The following UBE2J1 variants were observed in gnomAD, a reference collection of about 807,000 sequenced individuals.
UBE2J1 encodes ubiquitin conjugating enzyme E2 J1, also known as ubiquitin-conjugating enzyme E2 J1.
Under a neutral mutation model 42.1 loss-of-function variants are expected in UBE2J1, and 17 were observed. That is an observed-to-expected ratio of 0.40 (90% CI 0.28 to 0.61). The LOEUF (loss-of-function observed/expected upper bound fraction) is 0.61. Ranked by LOEUF, UBE2J1 falls within the 20% of genes least tolerant of loss-of-function variation. UBE2J1 has a pLI of 0.38. For synonymous variants in UBE2J1, 127 were observed against 137.2 expected (o/e 0.93, Z 0.52); for missense variants, 291 against 389.4 (o/e 0.75, Z 2.13).
At chr6:89,338,814 T>TGC (rs1562416965) in intron 3 of UBE2J1, among the ~76,000 whole-genome samples, 2 of 151,470 alleles carry the variant, frequency 1.3e-5, no homozygotes. Flanking sequence ...TACAGGCGCC[T>TGC]GCCACCAGGC....
chr6:89,335,823 A>G lies in UBE2J1; in HGVS notation c.429-392T>C, dbSNP rs1171253254. Among the ~76,000 whole-genome samples, 3 of 152,184 alleles carry G rather than the reference A, an allele frequency of 2.0e-5. No individual in the cohort carries two copies. The East Asian group carries it at 5.8e-4, about 29-fold the overall frequency. ...CTGTTAGCAGAAATATATATAAAGC[A>G]GTAAAGAAACTAATTAAACATAGAA... On this transcript the variant is annotated intron_variant, in intron 5 of 7. Transcript: ENST00000435041.
intron 3 of UBE2J1, 61 bp from the exon 4 acceptor site, chr6:89,338,604 GTAAAAATATACTA>G (rs1271751295): frequency 5.1e-6 from 3 of 588,788 alleles, no homozygotes; most frequent in Non-Finnish European, 7.5e-6. Flanking sequence ...TATACTTTCT[GTAAAAATATACTA>G]TTTATATATA....
rs938339185 is a variant in UBE2J1, at chr6:89,333,086, C to T, written c.678G>A (p.Ser226=). 2 of 1,605,710 alleles carry T rather than the reference C, an allele frequency of 1.2e-6. No individual in the cohort carries two copies. The highest frequency in any genetic ancestry group is 1.7e-6 in the Non-Finnish European group (2 of 1,176,362). Residue 226 remains serine (S), a splice_region_variant and synonymous_variant, in exon 7 of 8, where the codon TCG becomes TCA. Coordinates refer to ENST00000435041, the MANE Select transcript of UBE2J1 (RefSeq NM_016021.3). ...TTFQGATAST[S]YGLQNSSAAS... ...ATATATTAAAAGATAAGAGCCATAC[C>T]GATGTACTGGCCGTAGCACCCTGGA...
At chr6:89,338,618 T>TTTA (rs1411105592) in intron 3 of UBE2J1, 75 bp from the exon 4 acceptor site, 2 of 557,272 alleles carry the variant, frequency 3.6e-6, no homozygotes, top group Non-Finnish European at 5.4e-6. Flanking sequence ...AAATATACTA[T>TTTA]TTATATATAA....
At position 89,335,821 on chromosome 6, in the gene UBE2J1, G is replaced by T. The variant is rs144638446; in HGVS notation, c.429-390C>A. ...ATCTGTTAGCAGAAATATATATAAA[G>T]CAGTAAAGAAACTAATTAAACATAG... On this transcript the variant is annotated intron_variant, in intron 5 of 7. Transcript: ENST00000435041. Among the ~76,000 whole-genome samples, 398 of 151,808 alleles carry T rather than the reference G, an allele frequency of 2.6e-3. 3 individuals are homozygous for T. The highest frequency in any genetic ancestry group is 8.6e-3 in the African/African-American group (354 of 41,394).
intron 1 of UBE2J1, among the ~76,000 whole-genome samples, chr6:89,348,459 T>C (rs1178220024): frequency 1.3e-5 from 2 of 152,240 alleles, no homozygotes; most frequent in Non-Finnish European, 2.9e-5. Flanking sequence ...CTTGATATTA[T>C]CAATTCCCAA....
intron 7 of UBE2J1, among the ~76,000 whole-genome samples, chr6:89,331,407 G>T (rs1768006116): frequency 6.6e-6 from 1 of 152,092 alleles, no homozygotes; most frequent in South Asian, 2.1e-4. Flanking sequence ...ATCAAAACAA[G>T]AAATACTACT....
At chr6:89,347,618 G>A (rs894683417) in intron 1 of UBE2J1, among the ~76,000 whole-genome samples, 2 of 152,220 alleles carry the variant, frequency 1.3e-5, no homozygotes, top group African/African-American at 4.8e-5. Flanking sequence ...AAGTCACTCA[G>A]GCACATACCA....
At position 89,329,598 on chromosome 6, in the gene UBE2J1, TG is replaced by T; in HGVS notation, c.*80del. On this transcript the variant is annotated 3_prime_UTR_variant, in exon 8 of 8. Transcript: ENST00000435041. ...AAGGGTAAATACAAAATAATCTTTT[TG>T]TAAACAATTCTTAGATTATACCCAA... The T allele has an allele frequency of 1.4e-6, 2 of 1,455,902 alleles. No individual in the cohort carries two copies. Among genetic ancestry groups the T allele is most frequent in the Non-Finnish European group, 1.9e-6 (2 of 1,058,834 alleles). The allele number at this position is 1,455,902 out of a possible 1,614,324, so 90.2% of individuals were successfully genotyped here.
chr6:89,343,772 T>A lies in UBE2J1; in HGVS notation c.32-16A>T. On this transcript the variant is annotated splice_polypyrimidine_tract_variant and intron_variant, in intron 1 of 7. Coordinates refer to ENST00000435041, the MANE Select transcript of UBE2J1 (RefSeq NM_016021.3). ...CGTTTAACAGCTAAAATAAAATTCA[T>A]AAAATAGAGATATTTAAAATATACT... is the stretch of plus-strand genomic sequence containing the variant. 6.4e-7 allele frequency: 1 copy of A among 1,573,190 alleles called. No homozygotes were observed. Among genetic ancestry groups the A allele is most frequent in the Non-Finnish European group, 8.7e-7 (1 of 1,151,876 alleles).
intron 5 of UBE2J1, among the ~76,000 whole-genome samples, chr6:89,335,744 A>G (rs1768096135): frequency 6.6e-6 from 1 of 152,212 alleles, no homozygotes; most frequent in African/African-American, 2.4e-5. Context: ...GAGATCACAT[A>G]TAACAAACCT....
rs759140538 is a variant in UBE2J1, at chr6:89,338,473, T to G, written c.308A>C (p.Gln103Pro). The G allele has an allele frequency of 6.2e-7, 1 of 1,609,994 alleles. No individual in the cohort carries two copies. Among genetic ancestry groups the G allele is most frequent in the South Asian group, 1.1e-5 (1 of 89,792 alleles). ...SISGHHPETW[Q>P]PSWSIRTALL... Reference sequence around the variant, plus strand: ...TTAACACTTACTACTCCACGAAGGCTGCCAAGTTTCAGGATGATGGCCTGA... The same window carrying G: ...TTAACACTTACTACTCCACGAAGGCGGCCAAGTTTCAGGATGATGGCCTGA... Residue 103 changes from glutamine to proline, a missense_variant, in exon 4 of 8, where the codon CAG becomes CCG. Physicochemically the swap from Gln to Pro is moderately conservative, Grantham distance 76. Coordinates refer to ENST00000435041, the MANE Select transcript of UBE2J1 (RefSeq NM_016021.3).
intron 5 of UBE2J1, among the ~76,000 whole-genome samples, chr6:89,337,226 CTTTTT>C (rs202105618): frequency 2.2e-5 from 3 of 136,012 alleles, no homozygotes; most frequent in Admixed American, 7.4e-5. Flanking sequence ...AACTCCAGTT[CTTTTT>C]TTTTTTTTTT....
chr6:89,348,762 T>C (rs934148973), intron 1 of UBE2J1, among the ~76,000 whole-genome samples: 39 of 152,200 alleles, frequency 2.6e-4, no homozygotes, highest in African/African-American at 9.2e-4. Flanking sequence ...CAAGTATATA[T>C]AGGAACTACT....
intron 1 of UBE2J1, among the ~76,000 whole-genome samples, chr6:89,346,116 ATCC>A (rs749127005): frequency 1.6e-4 from 24 of 151,976 alleles, no homozygotes; most frequent in Non-Finnish European, 5.9e-5. Flanking sequence ...GTCTCGGGCA[ATCC>A]TCCTACCTCA....
At chr6:89,347,642 G>A (rs1004638820) in intron 1 of UBE2J1, among the ~76,000 whole-genome samples, 1 of 152,184 alleles carries the variant, frequency 6.6e-6, no homozygotes, top group Non-Finnish European at 1.5e-5. Context: ...AAGAGCTAAG[G>A]TCATGTAGCC....
intron 3 of UBE2J1, among the ~76,000 whole-genome samples, chr6:89,341,771 A>T (rs1768250535): frequency 6.6e-6 from 1 of 152,154 alleles, no homozygotes; most frequent in Admixed American, 6.5e-5. Flanking sequence ...AGATGTGTAA[A>T]TTTGGAGAGA....
At chr6:89,346,709 G>C (rs907732074) in intron 1 of UBE2J1, among the ~76,000 whole-genome samples, 7 of 151,894 alleles carry the variant, frequency 4.6e-5, no homozygotes, top group Non-Finnish European at 1.0e-4. Context: ...AGGCGTCCTA[G>C]GGAGGGGTAG....
chr6:89,345,800 G>C (rs1407895227), intron 1 of UBE2J1, among the ~76,000 whole-genome samples: 1 of 151,568 alleles, frequency 6.6e-6, no homozygotes, highest in South Asian at 2.1e-4. Context: ...CCAGCTACTA[G>C]GGAGGCTGAG....
Sources: allele counts gnomAD v4.1 joint callset (sites outside exome capture counted in the v4.1 genomes callset), GRCh38; gene constraint gnomAD v4.1.1; transcripts MANE v1.5; gene names NCBI Gene and HGNC (gene_info 2026-07-23, HGNC 2026-07-21).